Variants in PTK2 observed in about 807,000 individuals in gnomAD.
PTK2 encodes the protein focal adhesion kinase 1.
A neutral mutation model predicts 150.1 loss-of-function variants in PTK2; 45 were observed. The ratio of observed to expected loss-of-function variants is 0.30; its 90% CI spans 0.24 to 0.38. PTK2 has a LOEUF of 0.38. Among genes scored for constraint, PTK2 ranks in the 10% least tolerant of loss-of-function variants. The pLI, the probability that PTK2 is intolerant of heterozygous loss-of-function variation, is 1.00. For missense variants in PTK2, 919 were observed against 1,307.3 expected (o/e 0.70, Z 4.58); for synonymous variants, 432 against 449.2 (o/e 0.96, Z 0.48).
At chr8:140,677,489 T>C (rs149529795) in intron 27 of PTK2, among the ~76,000 whole-genome samples, 148 of 152,292 alleles carry the variant, frequency 9.7e-4, no homozygotes, top group African/African-American at 3.4e-3. Context: ...TGGAAAAAAA[T>C]CTTTTTGGAA....
At chr8:140,751,390 G>A (rs2100062580) in intron 17 of PTK2, among the ~76,000 whole-genome samples, 1 of 152,062 alleles carries the variant, frequency 6.6e-6, no homozygotes, top group Admixed American at 6.5e-5. Flanking sequence ...TGTTGCCCAG[G>A]CTGGTCTCAA....
chr8:140,972,732 T>C (rs2100187782), intron 1 of PTK2, among the ~76,000 whole-genome samples: 1 of 152,232 alleles, frequency 6.6e-6, no homozygotes, highest in Admixed American at 6.5e-5. Context: ...ATCCTTGTTT[T>C]AGTCAACTAG....
At chr8:140,660,803 G>T (rs2078652388) in intron 31 of PTK2, among the ~76,000 whole-genome samples, 1 of 152,214 alleles carries the variant, frequency 6.6e-6, no homozygotes, top group Non-Finnish European at 1.5e-5. Flanking sequence ...CTGTCCTACA[G>T]GGTTCGAATG....
At chr8:140,807,107 T>C (rs997851047) in intron 10 of PTK2, among the ~76,000 whole-genome samples, 4 of 152,220 alleles carry the variant, frequency 2.6e-5, no homozygotes, top group Admixed American at 1.3e-4. Context: ...GAATGAAGTA[T>C]GAGAAGTTAT....
intron 1 of PTK2, among the ~76,000 whole-genome samples, chr8:140,999,769 T>C (rs545368968): frequency 1.3e-5 from 2 of 152,192 alleles, no homozygotes; most frequent in Non-Finnish European, 2.9e-5. Context: ...GAGGCTCTGG[T>C]ATTTCATTTC....
intron 31 of PTK2, chr8:140,662,788 G>A (rs1457941929): frequency 1.9e-6 from 1 of 531,244 alleles, no homozygotes; most frequent in East Asian, 3.0e-5. Context: ...TTGTATTCCT[G>A]ACTGGAGATG....
intron 20 of PTK2, among the ~76,000 whole-genome samples, chr8:140,742,555 T>G (rs2100056352): frequency 6.6e-6 from 1 of 152,258 alleles, no homozygotes; most frequent in Admixed American, 6.5e-5. Context: ...CTGACAGGTA[T>G]GTACTGTAAT....
rs368479827 is a variant in PTK2 at position 140,992,249 on chromosome 8, G to A, written c.-122+8876C>T. 1.6e-4 allele frequency among the ~76,000 whole-genome samples: 24 copies of A among 146,702 alleles called. No individual in the cohort carries two copies. The East Asian group carries it at 3.6e-3, about 22-fold the overall frequency. On this transcript the variant is annotated intron_variant, in intron 1 of 31. Transcript: ENST00000522684. ...AGAGGTTGCAGTGAGCCAAGACTGC[G>A]CCACTGCCCTCCAGCCTGGGCAACA...
intron 16 of PTK2, among the ~76,000 whole-genome samples, chr8:140,756,863 C>T (rs2154532062): frequency 6.6e-6 from 1 of 151,642 alleles, no homozygotes; most frequent in East Asian, 1.9e-4. Flanking sequence ...GTGGTGGGCG[C>T]TTGTAGTCCC....
At position 140,760,153 on chromosome 8, in the gene PTK2, C is replaced by T. The variant is rs556485893; in HGVS notation, c.1332+1012G>A. Among the ~76,000 whole-genome samples the T allele has an allele frequency of 4.6e-5, 7 of 151,706 alleles. No individual in the cohort carries two copies. The South Asian group carries it at 6.3e-4, about 14-fold the overall frequency. Reference sequence around the variant, plus strand: ...AGAAGAATCACTTGAACCTGGAAGGCGGAGGTTGCAGTGAGCTGAGAAGAC... The same window carrying T: ...AGAAGAATCACTTGAACCTGGAAGGTGGAGGTTGCAGTGAGCTGAGAAGAC... On this transcript the variant is annotated intron_variant, in intron 16 of 31. Coordinates refer to ENST00000522684, the Ensembl canonical transcript of PTK2.
chr8:140,858,400 A>G (rs1347420007), intron 5 of PTK2, among the ~76,000 whole-genome samples: 1 of 151,488 alleles, frequency 6.6e-6, no homozygotes, highest in Non-Finnish European at 1.5e-5. Flanking sequence ...AGGTACATGT[A>G]GCATGACACA....
At chr8:140,826,978 C>T (rs947523627) in intron 8 of PTK2, among the ~76,000 whole-genome samples, 1 of 152,142 alleles carries the variant, frequency 6.6e-6, no homozygotes, top group Non-Finnish European at 1.5e-5. Flanking sequence ...CCCATTCTTA[C>T]AGAAGCCATT....
intron 20 of PTK2, among the ~76,000 whole-genome samples, chr8:140,741,903 C>T (rs902534020): frequency 7.2e-5 from 11 of 152,086 alleles, no homozygotes; most frequent in Admixed American, 2.6e-4. Flanking sequence ...CTTTGTGAGG[C>T]GGAGGCAGGA....
At chr8:140,802,324 A>C (rs1463975521) in intron 11 of PTK2, among the ~76,000 whole-genome samples, 2 of 152,174 alleles carry the variant, frequency 1.3e-5, no homozygotes, top group Non-Finnish European at 2.9e-5. Flanking sequence ...AAAAGTAAAA[A>C]ACACAGAAAA....
At chr8:140,942,533 G>A (rs1250240442) in intron 1 of PTK2, among the ~76,000 whole-genome samples, 3 of 152,090 alleles carry the variant, frequency 2.0e-5, no homozygotes, top group African/African-American at 7.2e-5. Flanking sequence ...TGTCTACACT[G>A]AAATCTACTT....
chr8:140,831,345 A>G (rs1472159928), intron 7 of PTK2, among the ~76,000 whole-genome samples: 4 of 152,226 alleles, frequency 2.6e-5, no homozygotes, highest in Admixed American at 6.5e-5. Context: ...CAGGAAACAC[A>G]TAAAAGGATC....
chr8:140,983,099 A>G (rs2100192061), intron 1 of PTK2, among the ~76,000 whole-genome samples: 2 of 152,146 alleles, frequency 1.3e-5, no homozygotes, highest in South Asian at 4.1e-4. Flanking sequence ...CTTATTTTAA[A>G]ATCTAGGCCG....
intron 4 of PTK2, among the ~76,000 whole-genome samples, chr8:140,869,914 T>C (rs551255165): frequency 6.2e-4 from 87 of 141,098 alleles, no homozygotes; most frequent in African/African-American, 2.3e-3. Flanking sequence ...TTGAATACTT[T>C]CTTTGAGATG....
At chr8:140,664,850 G>A in intron 31 of PTK2, 67 bp downstream of exon 35, 1 of 1,494,560 alleles carries the variant, frequency 6.7e-7, no homozygotes, top group Non-Finnish European at 9.3e-7. Flanking sequence ...CAGCACCACA[G>A]GCATCCCTGA....
Sources: gnomAD v4.1 joint callset for allele counts (sites outside exome capture counted in the v4.1 genomes callset) on GRCh38, gnomAD v4.1.1 for gene constraint, MANE v1.5 for transcripts, NCBI Gene and HGNC (gene_info 2026-07-23, HGNC 2026-07-21) for gene names.